LTBP3: variants seen among roughly 807,000 people sequenced by gnomAD.
LTBP3 encodes latent transforming growth factor beta binding protein 3, also known as latent-transforming growth factor beta-binding protein 3.
In LTBP3, 97 loss-of-function variants were observed where a neutral mutation model predicts 159.7. The ratio of observed to expected loss-of-function variants is 0.61; its 90% CI spans 0.52 to 0.72. LTBP3 has a LOEUF of 0.72. LTBP3 is among the 30% of genes least tolerant of loss of function. The pLI, the probability that LTBP3 is intolerant of heterozygous loss-of-function variation, is 0.00. For synonymous variants in LTBP3, 824 were observed against 777.1 expected (o/e 1.06, Z -1.00); for missense variants, 1,584 against 1,864.3 (o/e 0.85, Z 2.77).
rs1856404664 is a variant in LTBP3, at chr11:65,547,068, C to T, written c.2108-148G>A. The T allele has an allele frequency of 1.7e-6, 2 of 1,205,404 alleles. No homozygotes were observed. The highest frequency in any genetic ancestry group is 5.0e-5 in the East Asian group (2 of 39,812). The allele number at this position is 1,205,404 out of a possible 1,614,324, so 74.7% of individuals were successfully genotyped here. ...AGAGGCCCAGAGCCGAGCATACAGG[C>T]CGGGTGCGGTGGCACACGGCTGTAA... On this transcript the variant is annotated intron_variant, in intron 14 of 27. Coordinates refer to ENST00000301873, the MANE Select transcript of LTBP3 (RefSeq NM_001130144.3). The surrounding 1 kb of genome is among the most constrained non-coding windows in gnomAD (Gnocchi z 4.6).
intron 1 of LTBP3, among the ~76,000 whole-genome samples, chr11:65,557,365 C>G (rs567939062): frequency 6.6e-6 from 1 of 152,238 alleles, no homozygotes; most frequent in East Asian, 1.9e-4. Context: ...AAGCCAGTGT[C>G]ATCCAGGACC....
chr11:65,545,682 C>T (rs1278835127), intron 16 of LTBP3: 1 of 227,750 alleles, frequency 4.4e-6, no homozygotes, highest in East Asian at 6.3e-5. Flanking sequence ...CTGCAACAGA[C>T]CTCCCTCCAC....
chr11:65,546,452 G>T lies in LTBP3; in HGVS notation c.2343C>A (p.Arg781=). The change falls in exon 16 of 28, where the codon CGC becomes CGA. Residue 781 remains arginine, a synonymous_variant. Transcript: ENST00000301873. The surrounding 1 kb of genome is among the most constrained non-coding windows in gnomAD (Gnocchi z 4.0). ...AQGYAPAPDG[R]SCLDVDECEA... is the part of the protein sequence containing the mutation. Reference sequence around the variant, plus strand: ...GGTGCTGGCGCTCACCCAAGCAACTGCGGCCGTCGGGCGCGGGCGCGTAGC... The same window carrying T: ...GGTGCTGGCGCTCACCCAAGCAACTTCGGCCGTCGGGCGCGGGCGCGTAGC... 1 of 1,565,586 alleles carries T rather than the reference G, an allele frequency of 6.4e-7. No homozygotes were observed. The highest frequency in any genetic ancestry group is 8.6e-7 in the Non-Finnish European group (1 of 1,163,104).
Position 65,538,920 on chromosome 11 carries a change from G to T in LTBP3, c.*160C>A, listed in dbSNP as rs936493177. 1 of 1,275,274 alleles carries T rather than the reference G, an allele frequency of 7.8e-7. No homozygotes were observed. The highest frequency in any genetic ancestry group is 1.6e-5 in the African/African-American group (1 of 63,498). The allele number at this position is 1,275,274 out of a possible 1,614,324, so 79.0% of individuals were successfully genotyped here. A position where few individuals can be genotyped will look rare whatever the true frequency, so the allele number is the denominator to read the frequency against. ...TTACAACCGCCCGCTAACCGGGGAG[G>T]GGGGCCGGTAGGGGCGCCTCGGGTC... On this transcript the variant is annotated 3_prime_UTR_variant, in exon 28 of 28. Transcript: ENST00000301873.
intron 18 of LTBP3, 149 bp downstream of exon 18, chr11:65,542,956 G>GGATGGATA (rs2135129876): frequency 1.0e-6 from 1 of 1,001,606 alleles, no homozygotes; most frequent in Non-Finnish European, 1.5e-6. Context: ...ATGGATGGAT[G>GGATGGATA]GATGGATGGA....
chr11:65,554,406 C>T lies in LTBP3; in HGVS notation c.332-26G>A. 1 of 1,576,664 alleles carries T rather than the reference C, an allele frequency of 6.3e-7. No individual in the cohort carries two copies. The highest frequency in any genetic ancestry group is 8.7e-7 in the Non-Finnish European group (1 of 1,153,414). On this transcript the variant is annotated intron_variant, in intron 1 of 27. Transcript: ENST00000301873. This position sits in a 1 kb window ranked among gnomAD's most constrained non-coding sequence, Gnocchi z 5.3. The stretch of plus-strand genomic sequence containing the variant: ...CTGGGGAGAAGAGTGGGGTCAGGCC[C>T]TCACCCACATCCTGTCTCTTTCCCC...
In LTBP3 at chr11:65,541,134, T is replaced by TA; in HGVS notation, c.2884dup (p.Tyr962LeufsTer32). The TA allele has an allele frequency of 6.2e-7, 1 of 1,613,050 alleles. No individual in the cohort carries two copies. ...CCTGCCCGGCTCCTGACCTGAGCTG[T>TA]AGACTGGGCAGGGGTAGATTTCGCA... is the stretch of plus-strand genomic sequence containing the variant. On this transcript the variant is annotated frameshift_variant, in exon 20 of 28. Coordinates refer to ENST00000301873, the MANE Select transcript of LTBP3 (RefSeq NM_001130144.3). LOFTEE classifies it high-confidence loss of function.
At position 65,546,606 on chromosome 11, in the gene LTBP3, A is replaced by G. The variant is rs766693082; in HGVS notation, c.2231-42T>C. 1 of 1,598,008 alleles carries G rather than the reference A, an allele frequency of 6.3e-7. No homozygotes were observed. Among genetic ancestry groups the G allele is most frequent in the East Asian group, 2.2e-5 (1 of 44,836 alleles). ...TAGCCTCGGACTCTGCCCCACCGGA[A>G]GGCGGACCGCGCACCTCGCGGGGGT... On this transcript the variant is annotated intron_variant, in intron 15 of 27. Coordinates refer to ENST00000301873, the MANE Select transcript of LTBP3 (RefSeq NM_001130144.3). This position sits in a 1 kb window ranked among gnomAD's most constrained non-coding sequence, Gnocchi z 4.0.
In LTBP3 at chr11:65,547,802, T is replaced by C. The variant is rs1292682929; in HGVS notation, c.1866A>G (p.Ala622=). ...RYCVDVNECE[A]EPCGPGRGIC... ...TGCCCCTCCCCGGGCCACAGGGCTC[T>C]GCCTCGCACTCGTTCACATCTGAGA... The change falls in exon 13 of 28, where the codon GCA becomes GCG. Residue 622 remains alanine (A), a synonymous_variant. Transcript: ENST00000301873. This position sits in a 1 kb window ranked among gnomAD's most constrained non-coding sequence, Gnocchi z 4.6. 6.2e-7 allele frequency: 1 copy of C among 1,613,136 alleles called. No homozygotes were observed. The highest frequency in any genetic ancestry group is 8.5e-7 in the Non-Finnish European group (1 of 1,179,888).
rs190969559 is a variant in LTBP3 at position 65,547,309 on chromosome 11, A to G, written c.2107+130T>C. The stretch of plus-strand genomic sequence containing the variant: ...CAGTGAGCCAAGATCTCACCACCGC[A>G]CTCCAGCCTGGGCGACAGAGTGAGA... On this transcript the variant is annotated intron_variant, in intron 14 of 27. Transcript: ENST00000301873. The surrounding 1 kb of genome is among the most constrained non-coding windows in gnomAD (Gnocchi z 4.6). The G allele has an allele frequency of 0.022, 24,497 of 1,126,478 alleles. 386 individuals are homozygous for G. Among genetic ancestry groups the G allele is most frequent in the Middle Eastern group, 0.054 (195 of 3,590 alleles). The allele number at this position is 1,126,478 out of a possible 1,614,324, so 69.8% of individuals were successfully genotyped here.
In LTBP3 at chr11:65,541,407, C is replaced by G. The variant is rs1856131856; in HGVS notation, c.2726-114G>C. 4 of 1,450,734 alleles carry G rather than the reference C, an allele frequency of 2.8e-6. No individual in the cohort carries two copies. The Admixed American group carries it at 6.9e-5, about 25-fold the overall frequency. 89.9% of individuals were successfully genotyped at this position (1,450,734 alleles called of 1,614,324 possible). The stretch of plus-strand genomic sequence containing the variant: ...ATTCCCTGGCTCCCCTTAGCCTCCT[C>G]CTGAGAGTTGGCTCTGTTCTCAACG... On this transcript the variant is annotated intron_variant, in intron 19 of 27. Coordinates refer to ENST00000301873, the MANE Select transcript of LTBP3 (RefSeq NM_001130144.3).
chr11:65,553,944 G>T lies in LTBP3; in HGVS notation c.662-41C>A. On this transcript the variant is annotated intron_variant, in intron 2 of 27. Transcript: ENST00000301873. This position sits in a 1 kb window ranked among gnomAD's most constrained non-coding sequence, Gnocchi z 6.5. The stretch of plus-strand genomic sequence containing the variant: ...GTGGCCTCAGGGCTGCCCGCACCGC[G>T]CCGCGGGTCACCGCGCTGAGCTCCT... 6.6e-7 allele frequency: 1 copy of T among 1,521,144 alleles called. No homozygotes were observed. The highest frequency in any genetic ancestry group is 8.9e-7 in the Non-Finnish European group (1 of 1,129,478). 94.2% of individuals were successfully genotyped at this position (1,521,144 alleles called of 1,614,324 possible).
chr11:65,539,255 GGCTTC>G, intron 27 of LTBP3, 24 bp from the exon 28 acceptor site: 14 of 1,521,622 alleles, frequency 9.2e-6, no homozygotes, highest in Non-Finnish European at 1.2e-5. Flanking sequence ...CGACAGGTGC[GGCTTC>G]GCTGAGCCTC....
In LTBP3 at chr11:65,547,722, A is replaced by T; in HGVS notation, c.1946T>A (p.Leu649Gln). The T allele has an allele frequency of 1.2e-6, 2 of 1,607,164 alleles. No homozygotes were observed. The highest frequency in any genetic ancestry group is 1.7e-6 in the Non-Finnish European group (2 of 1,177,876). The change falls in exon 13 of 28, where the codon CTG (leucine) becomes CAG (glutamine). Residue 649 changes from leucine to glutamine, a missense_variant. This residue lies in a region of LTBP3 where 565 missense variants were observed against 677.7 expected (regional missense o/e 0.83). Transcript: ENST00000301873. This position sits in a 1 kb window ranked among gnomAD's most constrained non-coding sequence, Gnocchi z 4.6. ...CGAGCGCCCCCCGGCGCCCACGTGCAGGCGGTAGCCGCGGTTGCAGTGGCA... is the reference window on the plus strand; with the variant it reads ...CGAGCGCCCCCCGGCGCCCACGTGCTGGCGGTAGCCGCGGTTGCAGTGGCA... The part of the protein sequence containing the change: ...YNCHCNRGYR[L>Q]HVGAGGRSCV...
chr11:65,551,987 T>G lies in LTBP3; in HGVS notation c.1516A>C (p.Thr506Pro). Residue 506 changes from threonine to proline, a missense_variant, in exon 8 of 28, where the codon ACA becomes CCA. By Grantham distance (38) the Thr-to-Pro change is conservative. Around this residue, in one of 6 missense-constraint regions of LTBP3, gnomAD observed 565 missense variants for 677.7 expected, o/e 0.83. Coordinates refer to ENST00000301873, the MANE Select transcript of LTBP3 (RefSeq NM_001130144.3). ...SPSQAPPPED[T>P]EEERGVTTDS... ...CAGGCTAGACCTCTCTCTTCCTCTG[T>G]GTCCTCAGGTGGTGGAGCCTGGCTA... The G allele has an allele frequency of 6.2e-7, 1 of 1,613,998 alleles. No homozygotes were observed. The highest frequency in any genetic ancestry group is 8.5e-7 in the Non-Finnish European group (1 of 1,179,984).
chr11:65,543,038 A>G, intron 18 of LTBP3, 67 bp downstream of exon 18: 2 of 1,582,166 alleles, frequency 1.3e-6, no homozygotes, highest in Non-Finnish European at 1.7e-6. Context: ...GAGAAAGGCC[A>G]CAGTGTGTCT....
At chr11:65,541,504 C>T in intron 19 of LTBP3, 96 bp downstream of exon 19, 1 of 1,595,138 alleles carries the variant, frequency 6.3e-7, no homozygotes, top group Non-Finnish European at 8.6e-7. Flanking sequence ...TCCGGTTCCC[C>T]AAATTTAGGA....
rs1856378810 is a variant in LTBP3 at position 65,546,579 on chromosome 11, C to T, written c.2231-15G>A. On this transcript the variant is annotated splice_polypyrimidine_tract_variant and intron_variant, in intron 15 of 27. Transcript: ENST00000301873. This position sits in a 1 kb window ranked among gnomAD's most constrained non-coding sequence, Gnocchi z 4.0. ...CTCGTTCACGTCTGCGGCGGAAAGA[C>T]CTAGCCTCGGACTCTGCCCCACCGG... The T allele has an allele frequency of 1.2e-6, 2 of 1,601,322 alleles. No individual in the cohort carries two copies. Among genetic ancestry groups the T allele is most frequent in the African/African-American group, 2.7e-5 (2 of 75,006 alleles).
At position 65,553,459 on chromosome 11, in the gene LTBP3, G is replaced by A. The variant is rs200171035; in HGVS notation, c.936C>T (p.Gly312=). 4.3e-6 allele frequency: 7 copies of A among 1,612,512 alleles called. No homozygotes were observed. In the Admixed American group the frequency reaches 1.2e-4, roughly 27 times the overall value. ...DCCGSIGTAW[G]QSKCHKCPQL... ...GGGGACACTTGTGGCACTTGCTCTGGCCCCAGGCAGTGCCGATGCTACCGC... is the reference window on the plus strand; with the variant it reads ...GGGGACACTTGTGGCACTTGCTCTGACCCCAGGCAGTGCCGATGCTACCGC... The change falls in exon 4 of 28, where the codon GGC becomes GGT. Residue 312 remains glycine, a synonymous_variant. Coordinates refer to ENST00000301873, the MANE Select transcript of LTBP3 (RefSeq NM_001130144.3). The surrounding 1 kb of genome is among the most constrained non-coding windows in gnomAD (Gnocchi z 6.5).
Sources: allele counts gnomAD v4.1 joint callset (sites outside exome capture counted in the v4.1 genomes callset), GRCh38; gene constraint gnomAD v4.1.1; regional missense constraint gnomAD v4.1.1; non-coding constraint Gnocchi (gnomAD v3.1); transcripts MANE v1.5; gene names NCBI Gene and HGNC (gene_info 2026-07-23, HGNC 2026-07-21).